Variants in TAOK1 observed in about 807,000 individuals in gnomAD.
TAOK1 encodes serine/threonine-protein kinase TAO1.
Under a neutral mutation model 138.3 loss-of-function variants are expected in TAOK1, and 21 were observed. The observed-to-expected ratio is 0.15, with a 90% CI of 0.11 to 0.22. TAOK1 has a LOEUF of 0.22. TAOK1 is among the 10% of genes least tolerant of loss of function. The pLI is 1.00. For missense variants in TAOK1, 651 were observed against 1,227.7 expected (o/e 0.53, Z 7.02); for synonymous variants, 361 against 398.4 (o/e 0.91, Z 1.12).
At chr17:29,395,691 T>C (rs1904574445) in intron 1 of TAOK1, among the ~76,000 whole-genome samples, 1 of 150,054 alleles carries the variant, frequency 6.7e-6, no homozygotes, top group South Asian at 2.1e-4. Flanking sequence ...GGGTTTTTGC[T>C]GTGTCGCCCA....
chr17:29,397,613 A>AT (rs1904658549), intron 1 of TAOK1, among the ~76,000 whole-genome samples: 1 of 41,408 alleles, frequency 2.4e-5, no homozygotes, highest in Non-Finnish European at 3.9e-5. Flanking sequence ...CCCCCAAAAA[A>AT]ATATATATAT....
chr17:29,423,251 CCTCT>C (rs1905515469), intron 1 of TAOK1, among the ~76,000 whole-genome samples: 1 of 147,068 alleles, frequency 6.8e-6, no homozygotes, highest in Non-Finnish European at 1.5e-5. Flanking sequence ...ACAGAGTCTC[CCTCT>C]GTCTCCCAGG....
chr17:29,419,377 A>G lies in TAOK1; in HGVS notation c.-95+28353A>G, dbSNP rs368353383. Among the ~76,000 whole-genome samples the G allele has an allele frequency of 8.6e-5, 13 of 151,798 alleles. No homozygotes were observed. The South Asian group carries it at 1.0e-3, about 12-fold the overall frequency. On this transcript the variant is annotated intron_variant, in intron 1 of 19. Transcript: ENST00000261716. ...ACACCCGACTAATTTTGTATTTTTAATAGAGACGGGGTTTCTCCTTGTTGG... is the reference window on the plus strand; with the variant it reads ...ACACCCGACTAATTTTGTATTTTTAGTAGAGACGGGGTTTCTCCTTGTTGG...
intron 2 of TAOK1, among the ~76,000 whole-genome samples, chr17:29,458,756 G>C (rs1353317513): frequency 6.6e-6 from 1 of 151,944 alleles, no homozygotes. Flanking sequence ...ATGCAGTATT[G>C]CAATCTCGCC....
chr17:29,522,278 A>C lies in TAOK1; in HGVS notation c.1909-2A>C, dbSNP rs747235157. 6.2e-7 allele frequency: 1 copy of C among 1,614,066 alleles called. No individual in the cohort carries two copies. The highest frequency in any genetic ancestry group is 8.5e-7 in the Non-Finnish European group (1 of 1,179,952). ...ACCTTTGTCTTTTGTGTTATGGATTAGGAGTTAAACAAAAGACAGACTCAG... is the reference window on the plus strand; with the variant it reads ...ACCTTTGTCTTTTGTGTTATGGATTCGGAGTTAAACAAAAGACAGACTCAG... On this transcript the variant is annotated splice_acceptor_variant, in intron 16 of 19. Transcript: ENST00000261716. LOFTEE classifies it high-confidence loss of function.
intron 1 of TAOK1, among the ~76,000 whole-genome samples, chr17:29,429,287 G>A (rs1905751771): frequency 2.0e-5 from 3 of 151,756 alleles, no homozygotes; most frequent in Admixed American, 2.0e-4. Flanking sequence ...ACTTTCCTCT[G>A]ATTTTTTTTT....
intron 15 of TAOK1, chr17:29,514,033 C>T (rs2031771301): frequency 6.6e-6 from 1 of 152,110 alleles, no homozygotes; most frequent in African/African-American, 2.4e-5. Flanking sequence ...GAGGGTGAGG[C>T]AGGAGAATCC....
chr17:29,539,047 C>CA (rs1031105554), intron 19 of TAOK1, among the ~76,000 whole-genome samples: 5 of 151,946 alleles, frequency 3.3e-5, no homozygotes, highest in South Asian at 2.1e-4. Flanking sequence ...ACTTGGTGCT[C>CA]AGGAGTTTGA....
At chr17:29,502,931 A>C (rs1350210519) in intron 13 of TAOK1, among the ~76,000 whole-genome samples, 1 of 152,242 alleles carries the variant, frequency 6.6e-6, no homozygotes, top group Non-Finnish European at 1.5e-5. Flanking sequence ...ACGTACACAA[A>C]AAACGAGTAT....
At chr17:29,412,217 A>C (rs1045600249) in intron 1 of TAOK1, among the ~76,000 whole-genome samples, 7 of 152,022 alleles carry the variant, frequency 4.6e-5, no homozygotes, top group Non-Finnish European at 1.0e-4. Context: ...TAATTTTTGT[A>C]TTTTTAGTAA....
chr17:29,488,712 A>G (rs559846539), intron 8 of TAOK1, among the ~76,000 whole-genome samples: 1 of 152,222 alleles, frequency 6.6e-6, no homozygotes, highest in Non-Finnish European at 1.5e-5. Flanking sequence ...GAACCTACAG[A>G]TACAGAAAGG....
chr17:29,513,194 G>A (rs968784580), intron 15 of TAOK1: 2 of 151,894 alleles, frequency 1.3e-5, no homozygotes, highest in African/African-American at 4.8e-5. Context: ...GTAGGAATTT[G>A]CCTTATAATC....
Position 29,523,426 on chromosome 17 carries a change from C to T in TAOK1, c.2148+907C>T, listed in dbSNP as rs145846149. On this transcript the variant is annotated intron_variant, in intron 17 of 19. Transcript: ENST00000261716. Reference sequence around the variant, plus strand: ...TTTTTGAGACAGAGTCTCGCTCTTTCGCCCAGGCTGGAGTGCAGCGGCATG... The same window carrying T: ...TTTTTGAGACAGAGTCTCGCTCTTTTGCCCAGGCTGGAGTGCAGCGGCATG... Among the ~76,000 whole-genome samples, 338 of 152,282 alleles carry T rather than the reference C, an allele frequency of 2.2e-3. 2 individuals are homozygous for T. The highest frequency in any genetic ancestry group is 6.5e-3 in the African/African-American group (269 of 41,550).
chr17:29,536,917 G>A (rs932475141), intron 19 of TAOK1, among the ~76,000 whole-genome samples: 2 of 151,974 alleles, frequency 1.3e-5, no homozygotes, highest in African/African-American at 4.8e-5. Flanking sequence ...AGCCAGGATG[G>A]TCTCGATCTC....
intron 6 of TAOK1, among the ~76,000 whole-genome samples, chr17:29,478,846 C>A (rs1033679061): frequency 2.0e-5 from 3 of 152,044 alleles, no homozygotes; most frequent in African/African-American, 7.2e-5. Flanking sequence ...TAAGGCCAGG[C>A]GAGGTGGCTC....
At chr17:29,405,230 C>G (rs1156427285) in intron 1 of TAOK1, among the ~76,000 whole-genome samples, 1 of 152,148 alleles carries the variant, frequency 6.6e-6, no homozygotes, top group Non-Finnish European at 1.5e-5. Flanking sequence ...TCAGGTGATA[C>G]ACCCGCCTTG....
intron 1 of TAOK1, among the ~76,000 whole-genome samples, chr17:29,439,528 T>G (rs1906145557): frequency 3.3e-5 from 5 of 152,084 alleles, no homozygotes; most frequent in Admixed American, 3.3e-4. Flanking sequence ...AGCTGGAATT[T>G]TTTTACCCAA....
chr17:29,403,390 A>C (rs2153020308), intron 1 of TAOK1, among the ~76,000 whole-genome samples: 1 of 152,250 alleles, frequency 6.6e-6, no homozygotes, highest in South Asian at 2.1e-4. Flanking sequence ...TTCCGTTTTT[A>C]GACTTGGGGA....
chr17:29,478,375 T>G (rs1472267682), intron 6 of TAOK1, 28 bp downstream of exon 6: 6 of 1,481,156 alleles, frequency 4.1e-6, no homozygotes, highest in Non-Finnish European at 5.5e-6. Context: ...TATATATTGA[T>G]AAGTAAATGG....
Sources: allele counts gnomAD v4.1 joint callset (sites outside exome capture counted in the v4.1 genomes callset), GRCh38; gene constraint gnomAD v4.1.1; transcripts MANE v1.5; gene names NCBI Gene and HGNC (gene_info 2026-07-23, HGNC 2026-07-21).